Variants in DHX29 observed in about 807,000 individuals in gnomAD.
The protein encoded by DHX29 is ATP-dependent RNA helicase DHX29.
Under a neutral mutation model 167.9 loss-of-function variants are expected in DHX29, and 79 were observed. The ratio of observed to expected loss-of-function variants is 0.47; its 90% CI spans 0.39 to 0.57. The LOEUF (loss-of-function observed/expected upper bound fraction) is 0.57. Among genes scored for constraint, DHX29 ranks in the 20% least tolerant of loss-of-function variants. The probability of loss-of-function intolerance (pLI) is 0.00; values close to 1 mark genes in which losing one functional copy is unlikely to be tolerated. For missense variants in DHX29, 1,347 were observed against 1,593.4 expected, an observed-to-expected ratio of 0.85 and a Z score of 2.63; for synonymous variants, 530 against 546.0, an observed-to-expected ratio of 0.97 and a Z score of 0.41.
Position 55,284,988 on chromosome 5 carries a change from C to G in DHX29, c.1356+305G>C, listed in dbSNP as rs757605084. Among the ~76,000 whole-genome samples the G allele has an allele frequency of 6.8e-4, 103 of 152,154 alleles. 1 individual carries two copies. The highest frequency in any genetic ancestry group is 2.4e-4 in the Non-Finnish European group (16 of 68,026). On this transcript the variant is annotated intron_variant, in intron 10 of 26. Transcript: ENST00000251636. ...TGAGCTATGACTCTGCCACCACACT[C>G]CAGCCTGGGCAACATAACAAGATGC...
chr5:55,295,698 T>G (rs887093831), intron 4 of DHX29, among the ~76,000 whole-genome samples, 174 bp from the exon 5 acceptor site: 8 of 152,200 alleles, frequency 5.3e-5, no homozygotes, highest in Non-Finnish European at 1.5e-5. Flanking sequence ...TCCGTCAACC[T>G]AGAAGTGAAC....
chr5:55,258,218 C>CT (rs1164807139), intron 26 of DHX29, among the ~76,000 whole-genome samples: 2 of 152,152 alleles, frequency 1.3e-5, no homozygotes, highest in Non-Finnish European at 2.9e-5. Context: ...ACAGCACCAA[C>CT]TAGAAAGTAT....
Position 55,256,255 on chromosome 5 carries a change from C to A in DHX29, c.*233G>T. ...ACGATGAGCAAAACATGCATAATAC[C>A]AAAGAATTTATTGTAAATGTAGTGG... On this transcript the variant is annotated 3_prime_UTR_variant, in exon 27 of 27. Transcript: ENST00000251636. The A allele has an allele frequency of 3.0e-6, 1 of 334,464 alleles. No homozygotes were observed. Among genetic ancestry groups the A allele is most frequent in the Non-Finnish European group, 5.5e-6 (1 of 182,360 alleles). The allele number at this position is 334,464 out of a possible 1,614,324, so 20.7% of individuals were successfully genotyped here.
rs771994915 is a variant in DHX29, at chr5:55,290,326, G to A, written c.799C>T (p.Leu267Phe). The change falls in exon 7 of 27, where the codon CTT becomes TTT. Residue 267 changes from leucine (L) to phenylalanine (F), a missense_variant. Leu to Phe is a conservative substitution (Grantham distance 22). This residue lies in a region of DHX29 where 405 missense variants were observed against 416.8 expected (regional missense o/e 0.97). Transcript: ENST00000251636. The stretch of plus-strand genomic sequence containing the variant: ...TTTGCATCCAGCAGTTTTGCTGCAA[G>A]ATGTAAGTACCTTTCATTCTGTTCC... The part of the protein sequence containing the change: ...KFDPNERYLH[L>F]AAKLLDAKEQ... 1.2e-6 allele frequency: 2 copies of A among 1,609,298 alleles called. No individual in the cohort carries two copies. The highest frequency in any genetic ancestry group is 2.7e-5 in the African/African-American group (2 of 74,410).
chr5:55,266,261 T>C (rs1451681177), intron 23 of DHX29, among the ~76,000 whole-genome samples: 1 of 151,472 alleles, frequency 6.6e-6, no homozygotes, highest in Admixed American at 6.6e-5. Context: ...CCTCCCAAAG[T>C]GCTAGATTAC....
chr5:55,298,540 GA>G (rs745441288), intron 2 of DHX29, 50 bp downstream of exon 2: 127 of 1,134,146 alleles, frequency 1.1e-4, no homozygotes, highest in Middle Eastern at 2.0e-4. Flanking sequence ...TTTTTTGGGG[GA>G]AAAAAGGGGG....
Position 55,262,529 on chromosome 5 carries a change from T to C in DHX29, c.3828+101A>G, listed in dbSNP as rs554143283. ...ATATTAACAAAAATGAATAGCTCAA[T>C]TTGAGAACCAAATAAAATACCTGTT... is the stretch of plus-strand genomic sequence containing the variant. On this transcript the variant is annotated intron_variant, in intron 24 of 26. Coordinates refer to ENST00000251636, the MANE Select transcript of DHX29 (RefSeq NM_019030.4). 7.6e-5 allele frequency: 108 copies of C among 1,428,198 alleles called. No homozygotes were observed. In the African/African-American group the frequency reaches 1.5e-3, roughly 19 times the overall value. The allele number at this position is 1,428,198 out of a possible 1,614,324, so 88.5% of individuals were successfully genotyped here. A position where few individuals can be genotyped will look rare whatever the true frequency, so the allele number is the denominator to read the frequency against.
intron 16 of DHX29, among the ~76,000 whole-genome samples, chr5:55,273,669 A>C (rs1482282113): frequency 6.6e-6 from 1 of 152,180 alleles, no homozygotes; most frequent in African/African-American, 2.4e-5. Flanking sequence ...CATATAGTAA[A>C]CAGCTGATTA....
At chr5:55,301,359 G>A (rs1267705706) in intron 1 of DHX29, among the ~76,000 whole-genome samples, 1 of 152,078 alleles carries the variant, frequency 6.6e-6, no homozygotes. Flanking sequence ...GGAGCCCTTG[G>A]CAAACAAGTC....
intron 24 of DHX29, among the ~76,000 whole-genome samples, chr5:55,262,073 C>T (rs183269842): frequency 2.0e-5 from 3 of 152,044 alleles, no homozygotes; most frequent in African/African-American, 7.2e-5. Context: ...AGACAGGTAA[C>T]AAAAACCCAA....
At chr5:55,304,881 A>T (rs1234119288) in intron 1 of DHX29, among the ~76,000 whole-genome samples, 1 of 152,146 alleles carries the variant, frequency 6.6e-6, no homozygotes, top group Non-Finnish European at 1.5e-5. Flanking sequence ...AGAGTTGAGC[A>T]TTTTTCCACT....
chr5:55,296,195 GA>G, intron 4 of DHX29, 24 bp downstream of exon 4: 1 of 1,584,870 alleles, frequency 6.3e-7, no homozygotes, highest in Middle Eastern at 1.9e-4. Context: ...TTTAGAAACT[GA>G]AAGAATTTAA....
intron 10 of DHX29, among the ~76,000 whole-genome samples, chr5:55,284,556 TA>T (rs1247955133): frequency 6.6e-6 from 1 of 152,222 alleles, no homozygotes; most frequent in African/African-American, 2.4e-5. Context: ...GAGTTCCACT[TA>T]ATCAGTGTCT....
chr5:55,296,122 A>G, intron 4 of DHX29, 98 bp downstream of exon 4: 1 of 1,259,382 alleles, frequency 7.9e-7, no homozygotes, highest in South Asian at 1.9e-5. Context: ...AATAATTATG[A>G]CAGTGAAAAA....
At position 55,283,206 on chromosome 5, in the gene DHX29, TC is replaced by T. The variant is rs1561154470; in HGVS notation, c.1961del (p.Gly654GlufsTer31). The T allele has an allele frequency of 6.3e-7, 1 of 1,578,954 alleles. No homozygotes were observed. Among genetic ancestry groups the T allele is most frequent in the East Asian group, 2.2e-5 (1 of 44,468 alleles). On this transcript the variant is annotated frameshift_variant, in exon 11 of 27. Coordinates refer to ENST00000251636, the MANE Select transcript of DHX29 (RefSeq NM_019030.4). LOFTEE classifies it high-confidence loss of function. ...DELGCENGPG[G>X]RNSLCGYQIR... The stretch of plus-strand genomic sequence containing the variant: ...GTGGAGTTGAATGACAGCTTACCCT[TC>T]CTCCAGGTCCATTTTCACAGCCCAA...
At chr5:55,266,226 T>C (rs1336080791) in intron 23 of DHX29, among the ~76,000 whole-genome samples, 1 of 151,128 alleles carries the variant, frequency 6.6e-6, no homozygotes, top group East Asian at 2.0e-4. Context: ...CTTGAACTCC[T>C]GACCTCATGA....
intron 23 of DHX29, among the ~76,000 whole-genome samples, chr5:55,263,609 A>G (rs912617130): frequency 6.6e-6 from 1 of 151,930 alleles, no homozygotes; most frequent in Non-Finnish European, 1.5e-5. Flanking sequence ...GACAGCTGCC[A>G]TAACACCACA....
chr5:55,281,335 T>C, intron 12 of DHX29, 37 bp downstream of exon 12: 4 of 1,458,352 alleles, frequency 2.7e-6, no homozygotes, highest in Non-Finnish European at 3.6e-6. Flanking sequence ...TACAAAAATA[T>C]TTCAAATTTT....
intron 1 of DHX29, among the ~76,000 whole-genome samples, chr5:55,299,140 T>G (rs1748477006): frequency 6.6e-6 from 1 of 151,888 alleles, no homozygotes; most frequent in Non-Finnish European, 1.5e-5. Context: ...GCTAGCAATA[T>G]CCTCTCTAAA....
Sources: allele counts gnomAD v4.1 joint callset (sites outside exome capture counted in the v4.1 genomes callset), GRCh38; gene constraint gnomAD v4.1.1; regional missense constraint gnomAD v4.1.1; transcripts MANE v1.5; gene names NCBI Gene and HGNC (gene_info 2026-07-23, HGNC 2026-07-21).